DCDC1: variants seen among roughly 807,000 people sequenced by gnomAD.
DCDC1 encodes doublecortin domain containing 1.
In DCDC1, 200 loss-of-function variants were observed where a neutral mutation model predicts 178.3. The observed-to-expected ratio is 1.12, with a 90% confidence interval of 1.00 to 1.26. The LOEUF (loss-of-function observed/expected upper bound fraction) is 1.26, where lower values mean the gene tolerates loss of function less well. DCDC1 is among the 50% of genes most tolerant of loss of function. DCDC1 has a pLI of 0.00. For synonymous variants in DCDC1, 690 were observed against 604.8 expected (o/e 1.14, Z -2.07); for missense variants, 1,983 against 1,749.2 (o/e 1.13, Z -2.38).
At chr11:31,040,348 G>A (rs1954362126) in intron 20 of DCDC1, among the ~76,000 whole-genome samples, 1 of 152,224 alleles carries the variant, frequency 6.6e-6, no homozygotes, top group African/African-American at 2.4e-5. Flanking sequence ...GCACTATCTG[G>A]AGGATGCATA....
intron 3 of DCDC1, among the ~76,000 whole-genome samples, chr11:31,313,757 G>T (rs1948903917): frequency 6.6e-6 from 1 of 152,132 alleles, no homozygotes; most frequent in Admixed American, 6.5e-5. Context: ...CTTTGCATGT[G>T]AATTCCTAAA....
intron 21 of DCDC1, among the ~76,000 whole-genome samples, chr11:30,941,839 T>C (rs941203889): frequency 2.6e-5 from 4 of 152,168 alleles, no homozygotes; most frequent in African/African-American, 9.6e-5. Flanking sequence ...ATACCATTAA[T>C]TGCATTTAAT....
intron 20 of DCDC1, among the ~76,000 whole-genome samples, chr11:31,018,456 G>A (rs566697777): frequency 2.6e-5 from 4 of 152,196 alleles, no homozygotes; most frequent in Admixed American, 2.6e-4. Flanking sequence ...GCTCCTAAGC[G>A]CCAGATGCCC....
intron 37 of DCDC1, among the ~76,000 whole-genome samples, chr11:30,880,140 C>G (rs1942518538): frequency 6.6e-6 from 1 of 152,018 alleles, no homozygotes; most frequent in South Asian, 2.1e-4. Context: ...TAATAAGAAC[C>G]TCATCATTCG....
In DCDC1 at chr11:31,106,930, C is replaced by T; in HGVS notation, c.1618G>A (p.Gly540Ser). 1 of 765,852 alleles carries T rather than the reference C, an allele frequency of 1.3e-6. No individual in the cohort carries two copies. The highest frequency in any genetic ancestry group is 1.7e-5 in the Admixed American group (1 of 58,862). The allele number at this position is 765,852 out of a possible 1,614,324, so 47.4% of individuals were successfully genotyped here. ...LLLKIHQRLQ[G>S]SSINPPGLNY... ...AGGCCTGGTGGGTTGATGGAAGAAC[C>T]TTGAAGCCTTTGATGAATCTTGAGA... Residue 540 changes from glycine (G) to serine (S), a missense_variant, in exon 13 of 39, where the codon GGT becomes AGT. Gly to Ser is a moderately conservative substitution (Grantham distance 56). Coordinates refer to ENST00000684477, the MANE Select transcript of DCDC1 (RefSeq NM_001387274.1).
At position 31,010,879 on chromosome 11, in the gene DCDC1, A is replaced by C. The variant is rs544320032; in HGVS notation, c.2591+53590T>G. Among the ~76,000 whole-genome samples the C allele has an allele frequency of 2.0e-5, 3 of 152,292 alleles. No homozygotes were observed. In the East Asian group the frequency reaches 5.8e-4, roughly 29 times the overall value. Reference sequence around the variant, plus strand: ...ACCAGAATTTCTTGGAGTTATATTAAATTAGTTTTGTTTTTTGCTTTCATC... The same window carrying C: ...ACCAGAATTTCTTGGAGTTATATTACATTAGTTTTGTTTTTTGCTTTCATC... On this transcript the variant is annotated intron_variant, in intron 20 of 38. Coordinates refer to ENST00000684477, the MANE Select transcript of DCDC1 (RefSeq NM_001387274.1).
intron 20 of DCDC1, among the ~76,000 whole-genome samples, chr11:31,012,708 C>T (rs766571377): frequency 1.5e-4 from 23 of 151,420 alleles, no homozygotes; most frequent in African/African-American, 4.4e-4. Flanking sequence ...TAAATGATAT[C>T]CAGGAATTAA....
chr11:31,104,692 G>T (rs1209004064), intron 13 of DCDC1, among the ~76,000 whole-genome samples: 1 of 151,968 alleles, frequency 6.6e-6, no homozygotes, highest in Admixed American at 6.6e-5. Context: ...ATAATGTGGT[G>T]ACACATAACT....
At chr11:31,118,501 G>C (rs1279633620) in intron 11 of DCDC1, among the ~76,000 whole-genome samples, 1 of 152,116 alleles carries the variant, frequency 6.6e-6, no homozygotes, top group East Asian at 1.9e-4. Flanking sequence ...AACGTTCATG[G>C]TGAGTCAGAC....
chr11:31,189,836 T>G (rs1969935378), intron 9 of DCDC1, among the ~76,000 whole-genome samples: 1 of 152,176 alleles, frequency 6.6e-6, no homozygotes, highest in South Asian at 2.1e-4. Context: ...TCAAGACCCT[T>G]AACTTCATTG....
At chr11:31,302,897 A>T (rs1303774659) in intron 6 of DCDC1, among the ~76,000 whole-genome samples, 1 of 152,246 alleles carries the variant, frequency 6.6e-6, no homozygotes, top group Non-Finnish European at 1.5e-5. Context: ...ACTGAAGTAT[A>T]GATATATAAT....
intron 9 of DCDC1, among the ~76,000 whole-genome samples, chr11:31,224,203 C>A (rs1486556895): frequency 6.6e-6 from 1 of 151,930 alleles, no homozygotes; most frequent in Non-Finnish European, 1.5e-5. Context: ...TCTTTATCAG[C>A]AGCACAAAAA....
intron 20 of DCDC1, among the ~76,000 whole-genome samples, chr11:30,993,645 T>A (rs180789696): frequency 3.2e-4 from 49 of 152,180 alleles, no homozygotes; most frequent in African/African-American, 1.2e-3. Context: ...ATCAATCGCA[T>A]ACACAGTGAA....
intron 28 of DCDC1, among the ~76,000 whole-genome samples, chr11:30,910,819 G>A (rs1945392416): frequency 6.6e-6 from 1 of 152,184 alleles, no homozygotes; most frequent in Non-Finnish European, 1.5e-5. Context: ...TTAAGCATTT[G>A]CAACAGTGAA....
chr11:31,159,504 T>C (rs1966093263), intron 9 of DCDC1, among the ~76,000 whole-genome samples: 1 of 152,136 alleles, frequency 6.6e-6, no homozygotes, highest in Non-Finnish European at 1.5e-5. Flanking sequence ...AAATCCCATC[T>C]CCATTTTCTA....
chr11:30,982,224 G>C lies in DCDC1; in HGVS notation c.2592-29656C>G, dbSNP rs1275907647. Among the ~76,000 whole-genome samples, 4 of 152,106 alleles carry C rather than the reference G, an allele frequency of 2.6e-5. No homozygotes were observed. The East Asian group carries it at 7.7e-4, about 29-fold the overall frequency. On this transcript the variant is annotated intron_variant, in intron 20 of 38. Transcript: ENST00000684477. ...TTCTTAAAGCACCTCTTGAGAACAC[G>C]CTTCTCCACAACTTCTTCCAAGGTG...
At chr11:31,253,613 G>T (rs1038503905) in intron 8 of DCDC1, among the ~76,000 whole-genome samples, 3 of 152,066 alleles carry the variant, frequency 2.0e-5, no homozygotes, top group Non-Finnish European at 4.4e-5. Context: ...GATAAAGTAG[G>T]ATTTAAATAA....
At chr11:31,058,344 T>A (rs1328173511) in intron 20 of DCDC1, among the ~76,000 whole-genome samples, 2 of 152,174 alleles carry the variant, frequency 1.3e-5, no homozygotes, top group Non-Finnish European at 2.9e-5. Context: ...GTACCCACCA[T>A]GTACCGGGTA....
rs559279500 is a variant in DCDC1 at position 31,208,211 on chromosome 11, C to G, written c.1221+33239G>C. On this transcript the variant is annotated intron_variant, in intron 9 of 38. Transcript: ENST00000684477. Reference sequence around the variant, plus strand: ...GTCTGTTCAATTACCTACTCAGCCTCTTGGTTTGACTACCTAATGGCAAAC... The same window carrying G: ...GTCTGTTCAATTACCTACTCAGCCTGTTGGTTTGACTACCTAATGGCAAAC... 6.6e-5 allele frequency among the ~76,000 whole-genome samples: 10 copies of G among 152,242 alleles called. No individual in the cohort carries two copies. The South Asian group carries it at 1.5e-3, about 22-fold the overall frequency.
Sources: allele counts gnomAD v4.1 joint callset (sites outside exome capture counted in the v4.1 genomes callset), GRCh38; gene constraint gnomAD v4.1.1; transcripts MANE v1.5; gene names NCBI Gene and HGNC (gene_info 2026-07-23, HGNC 2026-07-21).